The following AK4 variants were observed in gnomAD, a reference collection of about 807,000 sequenced individuals.
AK4 encodes adenylate kinase 4.
Under a neutral mutation model 24.6 loss-of-function variants are expected in AK4, and 13 were observed. The observed-to-expected ratio is 0.53, with a 90% CI of 0.34 to 0.84. The LOEUF is 0.84. Among genes scored for constraint, AK4 ranks in the 40% least tolerant of loss-of-function variants. AK4 has a pLI of 0.01. For synonymous variants in AK4, 88 were observed against 107.0 expected (o/e 0.82, Z 1.10); for missense variants, 192 against 288.2 (o/e 0.67, Z 2.42).
In AK4 at chr1:65,161,554, C is replaced by G. The variant is rs1041717996; in HGVS notation, c.145+13002C>G. Among the ~76,000 whole-genome samples, 18 of 152,300 alleles carry G rather than the reference C, an allele frequency of 1.2e-4. No individual in the cohort carries two copies. In the South Asian group the frequency reaches 2.5e-3, roughly 21 times the overall value. ...TTCTACTCTCATTGCTTCCATGAAG[C>G]CTTTCCACACCTGTTGCAGCTACAG... On this transcript the variant is annotated intron_variant, in intron 1 of 4. Transcript: ENST00000327299.
At chr1:65,173,419 G>C (rs775344073) in intron 1 of AK4, among the ~76,000 whole-genome samples, 1 of 152,040 alleles carries the variant, frequency 6.6e-6, no homozygotes, top group Non-Finnish European at 1.5e-5. Flanking sequence ...TGGCTTCCCG[G>C]CACTCCACAC....
chr1:65,209,575 G>A (rs141605170), intron 2 of AK4, among the ~76,000 whole-genome samples: 1 of 152,252 alleles, frequency 6.6e-6, no homozygotes, highest in Non-Finnish European at 1.5e-5. Context: ...AAAATGTGCT[G>A]GTCTGACTGT....
At chr1:65,195,694 T>A (rs1651444993) in intron 2 of AK4, among the ~76,000 whole-genome samples, 1 of 152,166 alleles carries the variant, frequency 6.6e-6, no homozygotes, top group Non-Finnish European at 1.5e-5. Flanking sequence ...AGGGGCAAAG[T>A]GAGCAAATAT....
At chr1:65,200,531 A>T (rs1196574958) in intron 2 of AK4, among the ~76,000 whole-genome samples, 10 of 152,202 alleles carry the variant, frequency 6.6e-5, no homozygotes, top group African/African-American at 2.4e-4. Context: ...AAATTTTAGC[A>T]CACTGCCATC....
rs560457050 is a variant in AK4, at chr1:65,148,225, G to A, written c.-183G>A. 31 of 1,229,310 alleles carry A rather than the reference G, an allele frequency of 2.5e-5. No individual in the cohort carries two copies. Among genetic ancestry groups the A allele is most frequent in the Middle Eastern group, 2.9e-4 (1 of 3,408 alleles). The allele number at this position is 1,229,310 out of a possible 1,614,324, so 76.2% of individuals were successfully genotyped here. The stretch of plus-strand genomic sequence containing the variant: ...CTCAGTCCGCCTGCTACTCGGTCCC[G>A]GCGCTGGGCTGAGGGGAGGGGTTGT... On this transcript the variant is annotated 5_prime_UTR_variant, in exon 1 of 5. Coordinates refer to ENST00000327299, the MANE Select transcript of AK4 (RefSeq NM_013410.4).
At chr1:65,150,988 C>G (rs1649753020) in intron 1 of AK4, among the ~76,000 whole-genome samples, 1 of 152,010 alleles carries the variant, frequency 6.6e-6, no homozygotes, top group African/African-American at 2.4e-5. Context: ...GAGTCTCGTT[C>G]TGTCACCCAC....
At position 65,172,094 on chromosome 1, in the gene AK4, TATATATA is replaced by T. The variant is rs1557444551; in HGVS notation, c.146-18615_146-18609del. ...ATATATATATATATATATATATATA[TATATATA>T]TATTTAAACTCATTACACTTCCCAA... On this transcript the variant is annotated intron_variant, in intron 1 of 4. Coordinates refer to ENST00000327299, the MANE Select transcript of AK4 (RefSeq NM_013410.4). Among the ~76,000 whole-genome samples the T allele has an allele frequency of 2.7e-5, 3 of 111,332 alleles. No individual in the cohort carries two copies. The East Asian group carries it at 6.7e-4, about 25-fold the overall frequency. 73.0% of individuals were successfully genotyped at this position (111,332 alleles called of 152,430 possible).
intron 2 of AK4, among the ~76,000 whole-genome samples, chr1:65,213,151 T>C (rs1652023905): frequency 6.6e-6 from 1 of 152,210 alleles, no homozygotes. Context: ...CCTTGGAAGT[T>C]ATACCATGTT....
chr1:65,218,030 G>A (rs1172734297), intron 2 of AK4, among the ~76,000 whole-genome samples: 1 of 152,072 alleles, frequency 6.6e-6, no homozygotes, highest in African/African-American at 2.4e-5. Flanking sequence ...TATGTGTGTG[G>A]CGAGAATCCT....
At chr1:65,214,975 G>A (rs938622339) in intron 2 of AK4, among the ~76,000 whole-genome samples, 2 of 152,106 alleles carry the variant, frequency 1.3e-5, no homozygotes, top group Non-Finnish European at 2.9e-5. Flanking sequence ...GAAAAATGGG[G>A]CAGATAAGTG....
At chr1:65,197,342 G>A (rs753568975) in intron 2 of AK4, among the ~76,000 whole-genome samples, 2 of 152,122 alleles carry the variant, frequency 1.3e-5, no homozygotes, top group Non-Finnish European at 2.9e-5. Context: ...GATTTTAGGG[G>A]TAACTATCAA....
chr1:65,186,601 C>T (rs890534227), intron 1 of AK4, among the ~76,000 whole-genome samples: 1 of 152,138 alleles, frequency 6.6e-6, no homozygotes. Context: ...ATCTGGAGTT[C>T]TAGAAAACAA....
intron 1 of AK4, among the ~76,000 whole-genome samples, chr1:65,166,210 G>C (rs1650323795): frequency 6.6e-6 from 1 of 151,928 alleles, no homozygotes; most frequent in African/African-American, 2.4e-5. Context: ...TCTATTGTTT[G>C]TTCCCTTCTT....
rs113613946 is a variant in AK4, at chr1:65,168,858, A to T, written c.145+20306A>T. Among the ~76,000 whole-genome samples, 687 of 152,268 alleles carry T rather than the reference A, an allele frequency of 4.5e-3. 9 individuals carry two copies. Among genetic ancestry groups the T allele is most frequent in the African/African-American group, 0.016 (647 of 41,556 alleles). On this transcript the variant is annotated intron_variant, in intron 1 of 4. Transcript: ENST00000327299. Reference sequence around the variant, plus strand: ...ATCTAAAATTAATGGCAGGACAAAAATGCTGGTAGCATGGTGGAAATAACA... The same window carrying T: ...ATCTAAAATTAATGGCAGGACAAAATTGCTGGTAGCATGGTGGAAATAACA...
chr1:65,203,685 T>A (rs538444361), intron 2 of AK4, among the ~76,000 whole-genome samples: 1 of 152,030 alleles, frequency 6.6e-6, no homozygotes, highest in East Asian at 1.9e-4. Flanking sequence ...GCACCTGTAA[T>A]CCCAGCTACT....
rs1652663603 is a variant in AK4 at position 65,232,047 on chromosome 1, C to A, written c.*5870C>A. The A allele has an allele frequency of 6.6e-6, 1 of 152,138 alleles. No homozygotes were observed. The highest frequency in any genetic ancestry group is 2.4e-5 in the African/African-American group (1 of 41,420). 9.4% of individuals were successfully genotyped at this position (152,138 alleles called of 1,614,324 possible). ...GTCTGATCTGTATATGCTATCCTAA[C>A]TGTTAATTGTATTATTGATTATGTT... On this transcript the variant is annotated 3_prime_UTR_variant, in exon 5 of 5. Transcript: ENST00000327299.
intron 3 of AK4, among the ~76,000 whole-genome samples, chr1:65,224,253 T>C (rs567152448): frequency 2.2e-4 from 33 of 152,292 alleles, no homozygotes; most frequent in East Asian, 7.7e-4. Context: ...AGAAATTTCA[T>C]AGAAGCTCCA....
At chr1:65,206,481 G>C (rs140075352) in intron 2 of AK4, among the ~76,000 whole-genome samples, 1 of 152,246 alleles carries the variant, frequency 6.6e-6, no homozygotes, top group African/African-American at 2.4e-5. Flanking sequence ...GGACGCGGTG[G>C]CTTGTGCCTA....
intron 2 of AK4, among the ~76,000 whole-genome samples, chr1:65,195,043 A>G (rs989959754): frequency 6.6e-6 from 1 of 152,222 alleles, no homozygotes; most frequent in African/African-American, 2.4e-5. Context: ...TAATTTATAA[A>G]GAAAATAAAT....
Sources: allele counts gnomAD v4.1 joint callset (sites outside exome capture counted in the v4.1 genomes callset), GRCh38; gene constraint gnomAD v4.1.1; transcripts MANE v1.5; gene names NCBI Gene and HGNC (gene_info 2026-07-23, HGNC 2026-07-21).